DOK6: variants seen among roughly 807,000 people sequenced by gnomAD.
The protein encoded by DOK6 is downstream of tyrosine kinase 6.
DOK6 carries 22 observed loss-of-function variants against 44.0 expected under a neutral mutation model. That is an observed-to-expected ratio of 0.50 (90% CI 0.36 to 0.71). DOK6 has a LOEUF of 0.71. Among genes scored for constraint, DOK6 ranks in the 30% least tolerant of loss-of-function variants. DOK6 has a pLI of 0.00. For missense variants in DOK6, 340 were observed against 416.4 expected (o/e 0.82, Z 1.60); for synonymous variants, 166 against 145.5 (o/e 1.14, Z -1.01).
intron 5 of DOK6, among the ~76,000 whole-genome samples, chr18:69,712,089 G>T (rs12966928): frequency 6.7e-6 from 1 of 149,984 alleles, no homozygotes; most frequent in Admixed American, 6.6e-5. Flanking sequence ...AGACCATCCC[G>T]GCTAAAACGG....
At chr18:69,702,225 A>G (rs984513016) in intron 5 of DOK6, among the ~76,000 whole-genome samples, 1 of 148,284 alleles carries the variant, frequency 6.7e-6, no homozygotes, top group African/African-American at 2.5e-5. Context: ...TACTGCTGGG[A>G]CTCTAAGATT....
intron 7 of DOK6, among the ~76,000 whole-genome samples, chr18:69,778,302 C>G (rs570773148): frequency 5.9e-5 from 9 of 151,896 alleles, no homozygotes; most frequent in African/African-American, 2.2e-4. Context: ...AAGCAGATGC[C>G]GAGATGGGTT....
intron 1 of DOK6, among the ~76,000 whole-genome samples, chr18:69,409,457 A>G (rs964076292): frequency 6.6e-6 from 1 of 152,234 alleles, no homozygotes; most frequent in African/African-American, 2.4e-5. Flanking sequence ...ATATATACAT[A>G]TATAATGTGC....
intron 7 of DOK6, among the ~76,000 whole-genome samples, chr18:69,770,894 CA>C (rs1979869079): frequency 2.0e-5 from 3 of 152,098 alleles, no homozygotes; most frequent in Admixed American, 6.6e-5. Flanking sequence ...TTAATGCTGA[CA>C]TATGGAGCCT....
At chr18:69,418,407 C>T (rs1023705117) in intron 1 of DOK6, among the ~76,000 whole-genome samples, 1 of 152,058 alleles carries the variant, frequency 6.6e-6, no homozygotes, top group Non-Finnish European at 1.5e-5. Context: ...TGAATAACAG[C>T]TTTTCTCAGT....
Position 69,675,030 on chromosome 18 carries a change from A to G in DOK6, c.290-2704A>G, listed in dbSNP as rs544486672. On this transcript the variant is annotated intron_variant, in intron 3 of 7. Transcript: ENST00000382713. ...GTACTCTACTTTTATTATTCTTGCT[A>G]TTCCTATTCTTATATGCTACTACAC... Among the ~76,000 whole-genome samples the G allele has an allele frequency of 2.6e-5, 4 of 152,144 alleles. 1 individual carries two copies. In the East Asian group the frequency reaches 7.7e-4, roughly 29 times the overall value.
At chr18:69,694,283 C>G (rs1174070517) in intron 4 of DOK6, among the ~76,000 whole-genome samples, 1 of 151,506 alleles carries the variant, frequency 6.6e-6, no homozygotes, top group Non-Finnish European at 1.5e-5. Context: ...TCTAGACTCT[C>G]GTAGTTGCAG....
intron 7 of DOK6, among the ~76,000 whole-genome samples, chr18:69,819,308 A>G: frequency 6.6e-6 from 1 of 152,268 alleles, no homozygotes; most frequent in East Asian, 1.9e-4. Context: ...CCCGAGTAAA[A>G]TGTCATTAAT....
chr18:69,693,459 C>T (rs1372197192), intron 4 of DOK6, among the ~76,000 whole-genome samples: 2 of 152,112 alleles, frequency 1.3e-5, no homozygotes, highest in South Asian at 2.1e-4. Context: ...TTATTTAATA[C>T]ATAAATTCCA....
At chr18:69,422,414 T>C (rs1313482617) in intron 1 of DOK6, among the ~76,000 whole-genome samples, 1 of 152,232 alleles carries the variant, frequency 6.6e-6, no homozygotes, top group Non-Finnish European at 1.5e-5. Flanking sequence ...CATATTTTAC[T>C]CCAGGCCAAT....
intron 6 of DOK6, among the ~76,000 whole-genome samples, chr18:69,740,945 T>G (rs1978779625): frequency 6.6e-6 from 1 of 152,178 alleles, no homozygotes; most frequent in African/African-American, 2.4e-5. Flanking sequence ...TTAATTCACT[T>G]TTGTTGTTGA....
intron 3 of DOK6, among the ~76,000 whole-genome samples, chr18:69,617,707 A>AG (rs74210827): frequency 5.2e-5 from 2 of 38,796 alleles, no homozygotes; most frequent in Admixed American, 3.5e-4. Context: ...ACGGAAAGAG[A>AG]AAAGAAAGAA....
At chr18:69,588,489 AG>A in intron 2 of DOK6, among the ~76,000 whole-genome samples, 1 of 152,088 alleles carries the variant, frequency 6.6e-6, no homozygotes, top group East Asian at 1.9e-4. Flanking sequence ...AGCACTAGAG[AG>A]GAAGGCTGGT....
At chr18:69,811,524 TTATATATATATATATATATATA>T (rs57486782) in intron 7 of DOK6, among the ~76,000 whole-genome samples, 54 of 93,756 alleles carry the variant, frequency 5.8e-4, no homozygotes, top group African/African-American at 9.2e-4. Context: ...AACCATTCCA[TTATATATATATATATATATATA>T]TATATATATA....
chr18:69,425,889 T>C (rs1186423568), intron 1 of DOK6, among the ~76,000 whole-genome samples: 1 of 152,172 alleles, frequency 6.6e-6, no homozygotes, highest in Non-Finnish European at 1.5e-5. Flanking sequence ...AACACTAGCA[T>C]AATAGAGCTA....
rs1410176692 is a variant in DOK6 at position 69,631,513 on chromosome 18, A to T, written c.289+32015A>T. On this transcript the variant is annotated intron_variant, in intron 3 of 7. Transcript: ENST00000382713. ...TGTTCAACCTCAGTTTGGTCAGCTG[A>T]GTCATGTACAGTACATTATCCTGCA... Among the ~76,000 whole-genome samples the T allele has an allele frequency of 5.5e-4, 84 of 152,198 alleles. 1 individual carries two copies. Among genetic ancestry groups the T allele is most frequent in the Admixed American group, 5.5e-3 (84 of 15,282 alleles).
chr18:69,747,175 CATAAATGTCA>C (rs1979012545), intron 6 of DOK6, among the ~76,000 whole-genome samples: 1 of 152,150 alleles, frequency 6.6e-6, no homozygotes, highest in Non-Finnish European at 1.5e-5. Context: ...GAGAATGGCT[CATAAATGTCA>C]ATTTATAAAT....
At chr18:69,726,256 C>T (rs1323267992) in intron 5 of DOK6, among the ~76,000 whole-genome samples, 1 of 152,186 alleles carries the variant, frequency 6.6e-6, no homozygotes, top group Non-Finnish European at 1.5e-5. Flanking sequence ...AGCTAGTTCA[C>T]TGAATAACGC....
chr18:69,677,227 A>G (rs1022963819), intron 3 of DOK6, among the ~76,000 whole-genome samples: 3 of 151,888 alleles, frequency 2.0e-5, no homozygotes, highest in Non-Finnish European at 4.4e-5. Flanking sequence ...CTAACCTGAC[A>G]TTTTTTCAAC....
Sources: allele counts gnomAD v4.1 joint callset (sites outside exome capture counted in the v4.1 genomes callset), GRCh38; gene constraint gnomAD v4.1.1; transcripts MANE v1.5; gene names NCBI Gene and HGNC (gene_info 2026-07-23, HGNC 2026-07-21).